The following NXPH2 variants were observed in gnomAD, a reference collection of about 807,000 sequenced individuals.
NXPH2 encodes the protein neurexophilin-2.
Under a neutral mutation model 19.8 loss-of-function variants are expected in NXPH2, and 5 were observed. The ratio of observed to expected loss-of-function variants is 0.25; its 90% confidence interval spans 0.13 to 0.53. The LOEUF (loss-of-function observed/expected upper bound fraction) is 0.53. Ranked by LOEUF, NXPH2 falls within the 20% of genes least tolerant of loss-of-function variation. NXPH2 has a pLI of 0.96. For synonymous variants in NXPH2, 154 were observed against 127.4 expected (o/e 1.21, Z -1.41); for missense variants, 289 against 322.8 (o/e 0.90, Z 0.80).
intron 1 of NXPH2, among the ~76,000 whole-genome samples, chr2:138,763,020 T>C (rs1363486302): frequency 6.6e-6 from 1 of 152,254 alleles, no homozygotes; most frequent in African/African-American, 2.4e-5. Context: ...GCTAAAATCA[T>C]ATCTGGTCTT....
At chr2:138,744,541 G>GGT (rs770444031) in intron 1 of NXPH2, among the ~76,000 whole-genome samples, 14 of 152,064 alleles carry the variant, frequency 9.2e-5, no homozygotes, top group Admixed American at 6.6e-4. Flanking sequence ...ACACTGGGTA[G>GGT]GTGTCTATCT....
At chr2:138,735,276 T>G (rs1239647228) in intron 1 of NXPH2, among the ~76,000 whole-genome samples, 1 of 152,158 alleles carries the variant, frequency 6.6e-6, no homozygotes, top group Non-Finnish European at 1.5e-5. Flanking sequence ...TTCATGATGC[T>G]GATAAAGACA....
chr2:138,750,642 C>T (rs1249323556), intron 1 of NXPH2, among the ~76,000 whole-genome samples: 1 of 152,128 alleles, frequency 6.6e-6, no homozygotes, highest in Non-Finnish European at 1.5e-5. Flanking sequence ...GAATAAGACC[C>T]AGTCCCTACC....
intron 1 of NXPH2, among the ~76,000 whole-genome samples, chr2:138,730,726 T>C (rs368844955): frequency 9.9e-5 from 15 of 152,266 alleles, no homozygotes; most frequent in East Asian, 7.7e-4. Flanking sequence ...GTTATGCAGA[T>C]GTTAAAAGTC....
intron 1 of NXPH2, among the ~76,000 whole-genome samples, chr2:138,687,306 A>T (rs531067105): frequency 6.6e-6 from 1 of 152,178 alleles, no homozygotes; most frequent in Non-Finnish European, 1.5e-5. Flanking sequence ...ATGGCCAGTG[A>T]TGATGAGCAT....
intron 1 of NXPH2, among the ~76,000 whole-genome samples, chr2:138,696,799 C>G (rs576325713): frequency 6.6e-6 from 1 of 152,182 alleles, no homozygotes; most frequent in East Asian, 1.9e-4. Flanking sequence ...GACTTTTACA[C>G]AAAAATTTAT....
chr2:138,776,812 A>T lies in NXPH2; in HGVS notation c.51+3379T>A, dbSNP rs142070732. Among the ~76,000 whole-genome samples the T allele has an allele frequency of 9.3e-4, 142 of 152,180 alleles. 2 individuals carry two copies. The highest frequency in any genetic ancestry group is 3.3e-3 in the African/African-American group (138 of 41,578). On this transcript the variant is annotated intron_variant, in intron 1 of 1. Coordinates refer to ENST00000272641, the MANE Select transcript of NXPH2 (RefSeq NM_007226.3). ...TAAATAGAATCATCAGACTAAACAA[A>T]TATTAAAATTATTAGTTTTAATGTA...
chr2:138,736,789 G>C (rs112907128), intron 1 of NXPH2, among the ~76,000 whole-genome samples: 1 of 152,118 alleles, frequency 6.6e-6, no homozygotes. Flanking sequence ...AACAGCATCC[G>C]AGTCACATCT....
At chr2:138,761,899 C>T (rs988174716) in intron 1 of NXPH2, among the ~76,000 whole-genome samples, 3 of 152,110 alleles carry the variant, frequency 2.0e-5, no homozygotes, top group African/African-American at 7.2e-5. Flanking sequence ...GCTAAACACA[C>T]AAAAACATCA....
chr2:138,720,894 C>T (rs1681269288), intron 1 of NXPH2, among the ~76,000 whole-genome samples: 1 of 152,052 alleles, frequency 6.6e-6, no homozygotes, highest in Admixed American at 6.6e-5. Flanking sequence ...TCAAGAGATG[C>T]TAGATATTAA....
At chr2:138,680,535 A>G (rs1680560947) in intron 1 of NXPH2, among the ~76,000 whole-genome samples, 1 of 152,208 alleles carries the variant, frequency 6.6e-6, no homozygotes, top group Non-Finnish European at 1.5e-5. Flanking sequence ...GACAATTTGC[A>G]GACAGCAAGG....
At chr2:138,779,133 A>G (rs1682310700) in intron 1 of NXPH2, among the ~76,000 whole-genome samples, 1 of 152,220 alleles carries the variant, frequency 6.6e-6, no homozygotes, top group South Asian at 2.1e-4. Context: ...AGCGAGAGAG[A>G]AGAGACTGTC....
At chr2:138,707,532 T>A (rs991501109) in intron 1 of NXPH2, among the ~76,000 whole-genome samples, 4 of 152,176 alleles carry the variant, frequency 2.6e-5, no homozygotes, top group South Asian at 2.1e-4. Context: ...TTGCTTGACA[T>A]CTGTGTGTAC....
At chr2:138,768,342 T>C (rs1573983976) in intron 1 of NXPH2, among the ~76,000 whole-genome samples, 1 of 152,206 alleles carries the variant, frequency 6.6e-6, no homozygotes, top group Non-Finnish European at 1.5e-5. Flanking sequence ...TTTGGGTCTC[T>C]TTCTCTAATA....
intron 1 of NXPH2, among the ~76,000 whole-genome samples, chr2:138,693,500 T>C (rs1307273050): frequency 1.3e-5 from 2 of 152,188 alleles, no homozygotes; most frequent in Non-Finnish European, 2.9e-5. Flanking sequence ...AGCTTTATTG[T>C]GTGAATTTCT....
intron 1 of NXPH2, among the ~76,000 whole-genome samples, chr2:138,760,284 T>C (rs1681990389): frequency 6.6e-6 from 1 of 152,082 alleles, no homozygotes; most frequent in African/African-American, 2.4e-5. Flanking sequence ...CTGCAAACCG[T>C]CTCCATTGCT....
chr2:138,726,001 A>G (rs1230720898), intron 1 of NXPH2, among the ~76,000 whole-genome samples: 2 of 152,144 alleles, frequency 1.3e-5, no homozygotes, highest in African/African-American at 2.4e-5. Flanking sequence ...TTCAGCATTC[A>G]TAACACCTCC....
intron 1 of NXPH2, among the ~76,000 whole-genome samples, chr2:138,739,117 G>A (rs1681605050): frequency 6.6e-6 from 1 of 152,120 alleles, no homozygotes; most frequent in African/African-American, 2.4e-5. Context: ...ATGTTTTACT[G>A]CCTGAAAGCA....
intron 1 of NXPH2, among the ~76,000 whole-genome samples, chr2:138,719,181 T>C (rs1208111875): frequency 6.6e-6 from 1 of 152,112 alleles, no homozygotes. Context: ...GAGTGGTCTT[T>C]GGAAAGAATG....
Sources: gnomAD v4.1 joint callset for allele counts (sites outside exome capture counted in the v4.1 genomes callset) on GRCh38, gnomAD v4.1.1 for gene constraint, MANE v1.5 for transcripts, NCBI Gene and HGNC (gene_info 2026-07-23, HGNC 2026-07-21) for gene names.